Variants in YTHDF2 observed in about 807,000 individuals in gnomAD.
YTHDF2 encodes the protein YTH N6-methyladenosine RNA binding protein F2.
In YTHDF2, 2 loss-of-function variants were observed where a neutral mutation model predicts 50.4. The observed-to-expected ratio is 0.04, with a 90% CI of 0.02 to 0.12. YTHDF2 has a LOEUF of 0.12. Ranked by LOEUF, YTHDF2 falls within the 10% of genes least tolerant of loss-of-function variation. The pLI is 1.00. For missense variants in YTHDF2, 483 were observed against 722.6 expected, an observed-to-expected ratio of 0.67 and a Z score of 3.80; for synonymous variants, 217 against 255.6, an observed-to-expected ratio of 0.85 and a Z score of 1.44.
chr1:28,765,505 A>T (rs987545865), intron 4 of YTHDF2, among the ~76,000 whole-genome samples: 2 of 152,026 alleles, frequency 1.3e-5, no homozygotes, highest in African/African-American at 4.8e-5. Context: ...AGCTCACTGT[A>T]ACCTCTAACT....
At chr1:28,751,255 CA>C (rs892236865) in intron 4 of YTHDF2, among the ~76,000 whole-genome samples, 1 of 151,690 alleles carries the variant, frequency 6.6e-6, no homozygotes, top group African/African-American at 2.4e-5. Context: ...GAGACTGTCT[CA>C]AAAAAAATTC....
chr1:28,756,862 A>C (rs1570474902), intron 4 of YTHDF2, among the ~76,000 whole-genome samples: 1 of 152,158 alleles, frequency 6.6e-6, no homozygotes, highest in Non-Finnish European at 1.5e-5. Context: ...TTAGGAGTTT[A>C]TGCAGAGGAG....
chr1:28,753,045 GA>G (rs1357640886), intron 4 of YTHDF2, among the ~76,000 whole-genome samples: 1 of 150,950 alleles, frequency 6.6e-6, no homozygotes, highest in African/African-American at 2.4e-5. Context: ...ACTGTCCCTA[GA>G]AAAAAAAATT....
chr1:28,765,847 A>G (rs1472388726), intron 4 of YTHDF2, among the ~76,000 whole-genome samples: 1 of 152,328 alleles, frequency 6.6e-6, no homozygotes, highest in African/African-American at 2.4e-5. Flanking sequence ...TTCCTGAGCC[A>G]GAGAGTTACA....
intron 4 of YTHDF2, among the ~76,000 whole-genome samples, chr1:28,744,479 TAA>T (rs746507534): frequency 3.9e-5 from 6 of 152,154 alleles, no homozygotes; most frequent in Admixed American, 3.3e-4. Context: ...ATTGGCGGTG[TAA>T]AAGAGTCACT....
chr1:28,747,643 C>T (rs529192125), intron 4 of YTHDF2, among the ~76,000 whole-genome samples: 17 of 142,574 alleles, frequency 1.2e-4, no homozygotes, highest in Non-Finnish European at 2.0e-4. Context: ...TGGTCTTGAT[C>T]TCCTGACTTT....
upstream of YTHDF2, chr1:28,736,757 G>A (rs1458007062): frequency 3.5e-6 from 1 of 287,988 alleles, no homozygotes; most frequent in Non-Finnish European, 6.6e-6. Context: ...AGAGGGCGCA[G>A]CGGCCGGCCT....
intron 4 of YTHDF2, among the ~76,000 whole-genome samples, chr1:28,768,283 C>G (rs2088251092): frequency 1.3e-5 from 2 of 152,194 alleles, no homozygotes; most frequent in South Asian, 4.1e-4. Flanking sequence ...CTGAAAGACT[C>G]ATAAACAGTG....
intron 4 of YTHDF2, among the ~76,000 whole-genome samples, chr1:28,754,541 T>TG (rs1435094906): frequency 4.2e-5 from 6 of 143,326 alleles, no homozygotes; most frequent in Admixed American, 1.4e-4. Context: ...AAAAAAAAAT[T>TG]GGCCGGGCGC....
At chr1:28,739,434 C>T (rs892597533) in intron 3 of YTHDF2, among the ~76,000 whole-genome samples, 3 of 151,904 alleles carry the variant, frequency 2.0e-5, no homozygotes, top group Non-Finnish European at 4.4e-5. Context: ...CTCAGCCTCC[C>T]AAGTAGCTGG....
intron 4 of YTHDF2, among the ~76,000 whole-genome samples, chr1:28,765,425 T>A (rs1181844648): frequency 1.1e-5 from 1 of 94,712 alleles, no homozygotes; most frequent in Non-Finnish European, 2.2e-5. Context: ...AATACATTTT[T>A]AAAAAAAGTT....
intron 4 of YTHDF2, among the ~76,000 whole-genome samples, chr1:28,760,272 TG>T (rs1215173964): frequency 1.1e-3 from 2 of 1,846 alleles, no homozygotes; most frequent in Admixed American, 4.6e-3. Flanking sequence ...CATAGTAGGT[TG>T]TGTGTGTGTG....
intron 1 of YTHDF2, 24 bp from the exon 2 acceptor site, chr1:28,737,634 C>T (rs750385563): frequency 9.9e-6 from 16 of 1,613,542 alleles, no homozygotes; most frequent in South Asian, 9.9e-5. Context: ...ACTTGCTGCT[C>T]GGCGACGTTT....
At chr1:28,760,430 G>C (rs1008210417) in intron 4 of YTHDF2, among the ~76,000 whole-genome samples, 2 of 152,014 alleles carry the variant, frequency 1.3e-5, no homozygotes, top group Admixed American at 1.3e-4. Context: ...GAGTAGCTGG[G>C]ACTACAGGCG....
chr1:28,764,850 T>TTTTTTTG (rs974264974), intron 4 of YTHDF2, among the ~76,000 whole-genome samples: 8 of 152,034 alleles, frequency 5.3e-5, no homozygotes, highest in Admixed American at 3.3e-4. Flanking sequence ...GGCCTTAATG[T>TTTTTTTG]TTTTTTGTTT....
At chr1:28,766,709 G>C (rs1392580320) in intron 4 of YTHDF2, among the ~76,000 whole-genome samples, 1 of 151,952 alleles carries the variant, frequency 6.6e-6, no homozygotes, top group African/African-American at 2.4e-5. Context: ...TACTATGATA[G>C]GTGTTTACTT....
upstream of YTHDF2, chr1:28,736,724 G>A (rs3738067): frequency 0.42 from 100,131 of 240,238 alleles, 22,699 homozygotes; most frequent in East Asian, 0.78. Context: ...CCGTGAGCAC[G>A]GCTTCCGCTC....
chr1:28,748,444 A>C (rs1322433772), intron 4 of YTHDF2, among the ~76,000 whole-genome samples: 1 of 152,204 alleles, frequency 6.6e-6, no homozygotes, highest in South Asian at 2.1e-4. Flanking sequence ...GTAACCCCAT[A>C]AAGAAGTAGG....
In YTHDF2 at chr1:28,752,823, G is replaced by T. The variant is rs137942081; in HGVS notation, c.1716+8837G>T. On this transcript the variant is annotated intron_variant, in intron 4 of 4. Transcript: ENST00000373812. ...TTTGGGAGGCTGAGGTGGGAGGATT[G>T]CCTGAGCTCAGGAGTTTGAGACCAG... Among the ~76,000 whole-genome samples the T allele has an allele frequency of 5.2e-3, 793 of 152,040 alleles. 2 individuals carry two copies. The highest frequency in any genetic ancestry group is 0.014 in the Middle Eastern group (4 of 294).
Sources: gnomAD v4.1 joint callset for allele counts (sites outside exome capture counted in the v4.1 genomes callset) on GRCh38, gnomAD v4.1.1 for gene constraint, MANE v1.5 for transcripts, NCBI Gene and HGNC (gene_info 2026-07-23, HGNC 2026-07-21) for gene names.